SLC41A2: variants seen among roughly 807,000 people sequenced by gnomAD.
The protein encoded by SLC41A2 is solute carrier family 41 member 2, also known as SLC41A1-like 1.
Under a neutral mutation model 58.3 loss-of-function variants are expected in SLC41A2, and 32 were observed. The observed-to-expected ratio is 0.55, with a 90% CI of 0.41 to 0.74. SLC41A2 has a LOEUF of 0.74. Among genes scored for constraint, SLC41A2 ranks in the 30% least tolerant of loss-of-function variants. The pLI, the probability that SLC41A2 is intolerant of heterozygous loss-of-function variation, is 0.00. For missense variants in SLC41A2, 514 were observed against 680.6 expected (o/e 0.76, Z 2.72); for synonymous variants, 190 against 235.0 (o/e 0.81, Z 1.75).
chr12:104,922,608 T>C (rs2046650750), intron 2 of SLC41A2, among the ~76,000 whole-genome samples: 1 of 152,102 alleles, frequency 6.6e-6, no homozygotes, highest in African/African-American at 2.4e-5. Context: ...CTCTCAATAA[T>C]GAACAGATCA....
chr12:104,852,486 G>A (rs1193824008), intron 8 of SLC41A2, among the ~76,000 whole-genome samples: 2 of 151,908 alleles, frequency 1.3e-5, no homozygotes, highest in Non-Finnish European at 2.9e-5. Context: ...CAAATTTGTT[G>A]GTAAAACTTT....
chr12:104,942,558 C>T (rs758115399), intron 1 of SLC41A2, among the ~76,000 whole-genome samples: 1 of 151,960 alleles, frequency 6.6e-6, no homozygotes, highest in Non-Finnish European at 1.5e-5. Flanking sequence ...CACTCAGCAC[C>T]TCCTCCCCTA....
intron 9 of SLC41A2, among the ~76,000 whole-genome samples, chr12:104,845,289 TCAA>T (rs1288520255): frequency 2.0e-5 from 3 of 152,094 alleles, no homozygotes; most frequent in Non-Finnish European, 2.9e-5. Context: ...AAGCCCTGTC[TCAA>T]CAACAACAAA....
chr12:104,848,840 A>C, intron 8 of SLC41A2, among the ~76,000 whole-genome samples: 1 of 152,034 alleles, frequency 6.6e-6, no homozygotes, highest in East Asian at 1.9e-4. Context: ...TTTTATATTT[A>C]TCATTAAAAA....
chr12:104,885,093 C>CTTATGTATAATATACTT (rs1344355255), intron 6 of SLC41A2, among the ~76,000 whole-genome samples: 10 of 152,004 alleles, frequency 6.6e-5, no homozygotes, highest in Non-Finnish European at 1.2e-4. Flanking sequence ...TATACTTAAA[C>CTTATGTATAATATACTT]ATGTATCATT....
intron 1 of SLC41A2, among the ~76,000 whole-genome samples, chr12:104,945,039 T>C (rs140953725): frequency 0.038 from 5,795 of 151,350 alleles, 150 homozygotes; most frequent in East Asian, 0.11. Context: ...GGCGTGGTGG[T>C]GCACACCTGT....
At chr12:104,822,036 G>A (rs1192902385) in intron 10 of SLC41A2, among the ~76,000 whole-genome samples, 3 of 152,008 alleles carry the variant, frequency 2.0e-5, no homozygotes, top group Admixed American at 2.0e-4. Flanking sequence ...CAAAGAACTA[G>A]AGACAGCTAA....
chr12:104,920,815 T>A (rs1281024487), intron 2 of SLC41A2, among the ~76,000 whole-genome samples: 1 of 151,784 alleles, frequency 6.6e-6, no homozygotes, highest in African/African-American at 2.4e-5. Flanking sequence ...TCCCAGCTAC[T>A]AGGGAGGCTG....
chr12:104,833,745 A>C (rs2042116505), intron 10 of SLC41A2, among the ~76,000 whole-genome samples: 2 of 152,242 alleles, frequency 1.3e-5, no homozygotes, highest in South Asian at 2.1e-4. Flanking sequence ...AAAAATAGCT[A>C]AACATTTTCA....
At chr12:104,850,817 A>C (rs1384355228) in intron 8 of SLC41A2, among the ~76,000 whole-genome samples, 1 of 152,254 alleles carries the variant, frequency 6.6e-6, no homozygotes, top group African/African-American at 2.4e-5. Flanking sequence ...AAAAATGTTT[A>C]AAATATGTAT....
intron 8 of SLC41A2, among the ~76,000 whole-genome samples, chr12:104,846,567 A>T (rs559983869): frequency 1.3e-5 from 2 of 152,234 alleles, no homozygotes; most frequent in African/African-American, 2.4e-5. Context: ...GAAAAATTCA[A>T]ATTCTTAACT....
intron 2 of SLC41A2, among the ~76,000 whole-genome samples, chr12:104,917,250 A>T (rs990458377): frequency 1.3e-5 from 2 of 150,918 alleles, no homozygotes; most frequent in Non-Finnish European, 3.0e-5. Flanking sequence ...GCCATCAGAG[A>T]AATGCAAATC....
At chr12:104,888,150 A>T (rs999089640) in intron 5 of SLC41A2, among the ~76,000 whole-genome samples, 1 of 152,064 alleles carries the variant, frequency 6.6e-6, no homozygotes, top group Non-Finnish European at 1.5e-5. Flanking sequence ...TGCTTTGGTC[A>T]ATGTTAACTC....
At chr12:104,908,238 C>A (rs1157824463) in intron 3 of SLC41A2, among the ~76,000 whole-genome samples, 5 of 152,156 alleles carry the variant, frequency 3.3e-5, no homozygotes, top group Non-Finnish European at 7.3e-5. Flanking sequence ...GTACTCCAGT[C>A]TGGGCAACAA....
chr12:104,817,458 T>A (rs946026903), intron 10 of SLC41A2, among the ~76,000 whole-genome samples: 15 of 152,324 alleles, frequency 9.8e-5, no homozygotes, highest in African/African-American at 3.1e-4. Context: ...ATAAATTTTT[T>A]AATTGTTTTT....
intron 3 of SLC41A2, among the ~76,000 whole-genome samples, chr12:104,908,257 C>T (rs912889323): frequency 6.6e-6 from 1 of 151,766 alleles, no homozygotes; most frequent in Admixed American, 6.6e-5. Context: ...AACAAGATTC[C>T]GTCTCAAAAA....
rs75954126 is a variant in SLC41A2 at position 104,920,532 on chromosome 12, C to T, written c.555+7441G>A. On this transcript the variant is annotated intron_variant, in intron 2 of 10. Coordinates refer to ENST00000258538, the MANE Select transcript of SLC41A2 (RefSeq NM_001352171.3). ...GAATGGATCAAGCAGAAGAAAGAGT[C>T]GGTGAGCTATTTGAAAATACACAGA... is the stretch of plus-strand genomic sequence containing the variant. Among the ~76,000 whole-genome samples the T allele has an allele frequency of 3.6e-3, 540 of 151,714 alleles. 4 individuals carry two copies. Among genetic ancestry groups the T allele is most frequent in the African/African-American group, 0.012 (514 of 41,376 alleles).
chr12:104,815,447 A>G (rs2041353922), intron 10 of SLC41A2, among the ~76,000 whole-genome samples: 1 of 152,176 alleles, frequency 6.6e-6, no homozygotes, highest in Admixed American at 6.5e-5. Flanking sequence ...AATTTAAATA[A>G]ATATATAAAG....
chr12:104,955,908 A>G (rs1361569383), intron 1 of SLC41A2, among the ~76,000 whole-genome samples: 1 of 152,216 alleles, frequency 6.6e-6, no homozygotes, highest in Non-Finnish European at 1.5e-5. Context: ...ACACATGAAC[A>G]TAATTGTAAT....
Sources: allele counts gnomAD v4.1 joint callset (sites outside exome capture counted in the v4.1 genomes callset), GRCh38; gene constraint gnomAD v4.1.1; transcripts MANE v1.5; gene names NCBI Gene and HGNC (gene_info 2026-07-23, HGNC 2026-07-21).